STK38: variants seen among roughly 807,000 people sequenced by gnomAD.
STK38 encodes the protein serine/threonine kinase 38.
A neutral mutation model predicts 59.0 loss-of-function variants in STK38; 26 were observed. The ratio of observed to expected loss-of-function variants is 0.44; its 90% CI spans 0.32 to 0.61. STK38 has a LOEUF of 0.61. Ranked by LOEUF, STK38 falls within the 20% of genes least tolerant of loss-of-function variation. The probability of loss-of-function intolerance (pLI) is 0.04; values close to 1 mark genes in which losing one functional copy is unlikely to be tolerated. For synonymous variants in STK38, 175 were observed against 176.6 expected (o/e 0.99, Z 0.07); for missense variants, 433 against 566.0 (o/e 0.76, Z 2.38).
rs751740902 is a variant in STK38 at position 36,497,835 on chromosome 6, C to T, written c.1117G>A (p.Val373Ile). The T allele has an allele frequency of 1.3e-5, 21 of 1,613,872 alleles. No homozygotes were observed. In the South Asian group the frequency reaches 2.0e-4, roughly 15 times the overall value. ...EWEHRIGAPG[V>I]EEIKSNSFFE... ...AAAGAGTTACTTTTTATTTCCTCAACTCCAGGAGCTCCAATTCTATGTTCC... is the reference window on the plus strand; with the variant it reads ...AAAGAGTTACTTTTTATTTCCTCAATTCCAGGAGCTCCAATTCTATGTTCC... Residue 373 changes from valine (V) to isoleucine (I), a missense_variant, in exon 12 of 14, where the codon GTT becomes ATT. Around this residue, in one of 3 missense-constraint regions of STK38, gnomAD observed 136 missense variants for 156.7 expected, o/e 0.87. Transcript: ENST00000229812.
chr6:36,540,254 A>C (rs370430723), intron 1 of STK38, 47 bp from the exon 2 acceptor site: 73 of 1,604,884 alleles, frequency 4.5e-5, no homozygotes, highest in Non-Finnish European at 5.8e-5. Context: ...GTTAGAATCC[A>C]CCCAGTGTGC....
intron 2 of STK38, among the ~76,000 whole-genome samples, chr6:36,537,771 C>A (rs1279748809): frequency 6.6e-6 from 1 of 152,016 alleles, no homozygotes; most frequent in Non-Finnish European, 1.5e-5. Flanking sequence ...TGGTGGCATG[C>A]ACCTGTAGTC....
chr6:36,501,375 CTCTGATCTAGGTGCTT>C (rs1776834632), intron 9 of STK38, among the ~76,000 whole-genome samples: 1 of 152,128 alleles, frequency 6.6e-6, no homozygotes, highest in African/African-American at 2.4e-5. Flanking sequence ...ATGTGTAAGG[CTCTGATCTAGGTGCTT>C]TAAATATTAT....
intron 2 of STK38, among the ~76,000 whole-genome samples, chr6:36,527,321 C>CAT (rs763209313): frequency 5.6e-5 from 5 of 89,640 alleles, no homozygotes; most frequent in Non-Finnish European, 2.2e-5. Flanking sequence ...TATATACACA[C>CAT]ATATATATAC....
chr6:36,523,947 T>A (rs893700977), intron 4 of STK38, among the ~76,000 whole-genome samples: 3 of 152,200 alleles, frequency 2.0e-5, no homozygotes, highest in Non-Finnish European at 2.9e-5. Context: ...CAACTTTTGG[T>A]CCCAGTACTC....
chr6:36,540,648 T>TG (rs1468165734), intron 1 of STK38, among the ~76,000 whole-genome samples: 2 of 152,174 alleles, frequency 1.3e-5, no homozygotes, highest in Admixed American at 6.5e-5. Context: ...CTTTTTGAGA[T>TG]GGAGTTTCGC....
At chr6:36,536,588 C>T (rs1396894892) in intron 2 of STK38, among the ~76,000 whole-genome samples, 1 of 152,022 alleles carries the variant, frequency 6.6e-6, no homozygotes, top group Non-Finnish European at 1.5e-5. Context: ...GGCTGGAGTT[C>T]AGTGGTGTGA....
In STK38 at chr6:36,495,575, T is replaced by C. The variant is rs1163152854; in HGVS notation, c.*209A>G. On this transcript the variant is annotated 3_prime_UTR_variant, in exon 14 of 14. Coordinates refer to ENST00000229812, the MANE Select transcript of STK38 (RefSeq NM_007271.4). ...TCTTCCAAAGCAGGATAGCTGTTTA[T>C]GGCCGACGTAGTAGAAATGGTTGTC... 3.7e-6 allele frequency: 2 copies of C among 540,104 alleles called. No homozygotes were observed. The highest frequency in any genetic ancestry group is 2.5e-5 in the South Asian group (1 of 40,374). 33.5% of individuals were successfully genotyped at this position (540,104 alleles called of 1,614,324 possible). A position where few individuals can be genotyped will look rare whatever the true frequency, so the allele number is the denominator to read the frequency against.
chr6:36,496,821 A>G lies in STK38; in HGVS notation c.1173-16T>C. On this transcript the variant is annotated splice_polypyrimidine_tract_variant and intron_variant, in intron 12 of 13. Transcript: ENST00000229812. ...AGGTCTCTCTCTGCCAAGAATACAC[A>G]TGCCAAAAATTACTAAGTTAGTAAT... 1 of 1,580,918 alleles carries G rather than the reference A, an allele frequency of 6.3e-7. No individual in the cohort carries two copies. The highest frequency in any genetic ancestry group is 8.7e-7 in the Non-Finnish European group (1 of 1,152,526).
intron 4 of STK38, chr6:36,522,640 T>A (rs1777406187): frequency 6.6e-6 from 1 of 152,124 alleles, no homozygotes; most frequent in African/African-American, 2.4e-5. Context: ...GTGGATCACC[T>A]GAGGTCCAGG....
intron 5 of STK38, 126 bp from the exon 6 acceptor site, chr6:36,517,966 G>A (rs1205447881): frequency 1.8e-5 from 23 of 1,265,738 alleles, no homozygotes; most frequent in Non-Finnish European, 2.4e-5. Context: ...TGATATAAAA[G>A]ATCCAATTTC....
In STK38 at chr6:36,545,740, G is replaced by A. The variant is rs376810852; in HGVS notation, c.-6+1450C>T. On this transcript the variant is annotated intron_variant, in intron 1 of 13. Coordinates refer to ENST00000229812, the MANE Select transcript of STK38 (RefSeq NM_007271.4). ...CTGCCCTGACCTAGAAGCCATTGGA[G>A]GCCTTTGCCCCATTTGTTTCATTCT... 3.8e-4 allele frequency among the ~76,000 whole-genome samples: 58 copies of A among 152,290 alleles called. No individual in the cohort carries two copies. In the East Asian group the frequency reaches 0.011, roughly 28 times the overall value.
At chr6:36,540,010 T>A in intron 2 of STK38, 62 bp downstream of exon 2, 1 of 1,600,386 alleles carries the variant, frequency 6.2e-7, no homozygotes, top group Non-Finnish European at 8.5e-7. Flanking sequence ...TTATAAGTGT[T>A]TTACAATACG....
intron 2 of STK38, among the ~76,000 whole-genome samples, chr6:36,527,880 A>G (rs955987496): frequency 6.6e-6 from 1 of 151,610 alleles, no homozygotes; most frequent in Non-Finnish European, 1.5e-5. Flanking sequence ...CAGGCAGATC[A>G]CGAGGTCAGG....
At chr6:36,525,556 T>C (rs755614161) in intron 3 of STK38, 35 bp downstream of exon 3, 2 of 1,603,754 alleles carry the variant, frequency 1.2e-6, no homozygotes, top group South Asian at 2.2e-5. Context: ...CCTGCCACGC[T>C]GGGTTTTAAG....
In STK38 at chr6:36,495,607, T is replaced by A; in HGVS notation, c.*177A>T. ...CGTAGTAGAAATGGTTGTCTTTGTT[T>A]ACAGTTTTTCAGATGCATTATGGAA... On this transcript the variant is annotated 3_prime_UTR_variant, in exon 14 of 14. Transcript: ENST00000229812. 3 of 745,628 alleles carry A rather than the reference T, an allele frequency of 4.0e-6. No homozygotes were observed. Among genetic ancestry groups the A allele is most frequent in the Non-Finnish European group, 6.1e-6 (3 of 491,584 alleles). The allele number at this position is 745,628 out of a possible 1,614,324, so 46.2% of individuals were successfully genotyped here. A position where few individuals can be genotyped will look rare whatever the true frequency, so the allele number is the denominator to read the frequency against.
At chr6:36,510,410 G>T (rs1190949018) in intron 7 of STK38, among the ~76,000 whole-genome samples, 1 of 152,244 alleles carries the variant, frequency 6.6e-6, no homozygotes, top group Non-Finnish European at 1.5e-5. Context: ...GCACAGAGAA[G>T]TCAGGCAGCA....
At chr6:36,510,287 C>G (rs1458807577) in intron 7 of STK38, among the ~76,000 whole-genome samples, 1 of 152,256 alleles carries the variant, frequency 6.6e-6, no homozygotes, top group Non-Finnish European at 1.5e-5. Flanking sequence ...GGAGCTGAGG[C>G]TGCAGGGGGC....
intron 2 of STK38, among the ~76,000 whole-genome samples, chr6:36,526,100 C>T (rs576461289): frequency 5.9e-5 from 9 of 152,188 alleles, no homozygotes; most frequent in African/African-American, 9.6e-5. Context: ...CAAAGTGTTG[C>T]GATTACAGGT....
Sources: gnomAD v4.1 joint callset for allele counts (sites outside exome capture counted in the v4.1 genomes callset) on GRCh38, gnomAD v4.1.1 for gene constraint, gnomAD v4.1.1 regional missense constraint, MANE v1.5 for transcripts, NCBI Gene and HGNC (gene_info 2026-07-23, HGNC 2026-07-21) for gene names.